Variants in CNIH3 observed in about 807,000 individuals in gnomAD.
CNIH3 encodes protein cornichon homolog 3.
In CNIH3, 14 loss-of-function variants were observed where a neutral mutation model predicts 24.1. The ratio of observed to expected loss-of-function variants is 0.58; its 90% CI spans 0.38 to 0.91. The LOEUF is 0.91. Ranked by LOEUF, CNIH3 falls within the 40% of genes least tolerant of loss-of-function variation. CNIH3 has a pLI of 0.00. For synonymous variants in CNIH3, 68 were observed against 73.8 expected, an observed-to-expected ratio of 0.92 and a Z score of 0.40; for missense variants, 178 against 196.8, an observed-to-expected ratio of 0.90 and a Z score of 0.57.
intron 1 of CNIH3, among the ~76,000 whole-genome samples, chr1:224,643,890 T>C (rs1430810153): frequency 6.6e-6 from 1 of 152,190 alleles, no homozygotes; most frequent in East Asian, 1.9e-4. Flanking sequence ...GGAGTTTCTC[T>C]GGGGACCCCT....
rs138956762 is a variant in CNIH3 at position 224,705,991 on chromosome 1, C to T, written c.198+21148C>T. On this transcript the variant is annotated intron_variant, in intron 3 of 5. Transcript: ENST00000272133. ...CTGGGGGCTCCCCTAGCACCCCAGG[C>T]TGATGACTACTCTAGCACTTACTAG... Among the ~76,000 whole-genome samples, 384 of 151,946 alleles carry T rather than the reference C, an allele frequency of 2.5e-3. 2 individuals are homozygous for T. Among genetic ancestry groups the T allele is most frequent in the African/African-American group, 8.4e-3 (347 of 41,434 alleles).
At chr1:224,511,317 CTCTA>C (rs1316958151), upstream of CNIH3, among the ~76,000 whole-genome samples, 1 of 152,150 alleles carries the variant, frequency 6.6e-6, no homozygotes, top group Non-Finnish European at 1.5e-5. Context: ...TAAAATACTC[CTCTA>C]TCTTTTAGGA....
At chr1:224,629,588 A>T (rs2125076345) in intron 1 of CNIH3, among the ~76,000 whole-genome samples, 1 of 152,258 alleles carries the variant, frequency 6.6e-6, no homozygotes, top group Admixed American at 6.5e-5. Flanking sequence ...ACAGTGGATA[A>T]TGCTGCTGTG....
intron 1 of CNIH3, among the ~76,000 whole-genome samples, chr1:224,671,368 T>G (rs1431334581): frequency 6.6e-6 from 1 of 152,172 alleles, no homozygotes; most frequent in Non-Finnish European, 1.5e-5. Context: ...TTCATTTGAT[T>G]GGGAGCCCTT....
chr1:224,539,335 C>T (rs1157071121), downstream of CNIH3, among the ~76,000 whole-genome samples: 1 of 152,186 alleles, frequency 6.6e-6, no homozygotes, highest in Middle Eastern at 3.2e-3. Flanking sequence ...CAAGTTCTGT[C>T]CTTTCTTCCT....
Position 224,579,681 on chromosome 1 carries a change from G to A in CNIH3, n.517-3483G>A, listed in dbSNP as rs564801603. ...GATTCCTCAGGAAGGGATTGGTGTCGTCCTCATGGTAATGAGTGAGTTCTT... is the reference window on the plus strand; with the variant it reads ...GATTCCTCAGGAAGGGATTGGTGTCATCCTCATGGTAATGAGTGAGTTCTT... On this transcript the variant is annotated intron_variant and non_coding_transcript_variant, in intron 4 of 5. Coordinates refer to the CNIH3 transcript ENST00000471578. Among the ~76,000 whole-genome samples the A allele has an allele frequency of 2.6e-5, 4 of 152,272 alleles. 1 individual carries two copies. Among genetic ancestry groups the A allele is most frequent in the East Asian group, 1.9e-4 (1 of 5,182 alleles).
chr1:224,714,947 G>A (rs528132494), intron 3 of CNIH3, among the ~76,000 whole-genome samples: 1 of 152,232 alleles, frequency 6.6e-6, no homozygotes, highest in African/African-American at 2.4e-5. Context: ...TTCACCTTAC[G>A]TAGTAAGGAA....
intron 1 of CNIH3, among the ~76,000 whole-genome samples, chr1:224,631,443 T>A (rs1298711672): frequency 1.3e-5 from 2 of 152,218 alleles, no homozygotes; most frequent in Non-Finnish European, 2.9e-5. Flanking sequence ...TGTTGGTGAG[T>A]CCCTGGCATT....
intron 1 of CNIH3, among the ~76,000 whole-genome samples, chr1:224,652,297 C>G (rs1248038726): frequency 6.6e-6 from 1 of 152,002 alleles, no homozygotes; most frequent in African/African-American, 2.4e-5. Flanking sequence ...TGGACTGGGA[C>G]TGGACATAAG....
intron 1 of CNIH3, among the ~76,000 whole-genome samples, chr1:224,651,008 A>G (rs1684832374): frequency 6.6e-6 from 1 of 152,178 alleles, no homozygotes; most frequent in African/African-American, 2.4e-5. Flanking sequence ...GGGGAGGCTC[A>G]GTTTTCCAGT....
chr1:224,738,728 T>G (rs1286119862), intron 5 of CNIH3, among the ~76,000 whole-genome samples: 1 of 152,140 alleles, frequency 6.6e-6, no homozygotes, highest in East Asian at 1.9e-4. Flanking sequence ...CTTAGTAGTA[T>G]TGGGGCAATA....
chr1:224,612,462 G>GT (rs1682745201), upstream of CNIH3, among the ~76,000 whole-genome samples: 1 of 152,166 alleles, frequency 6.6e-6, no homozygotes, highest in Non-Finnish European at 1.5e-5. This position sits in a 1 kb window ranked among gnomAD's most constrained non-coding sequence, Gnocchi z 4.7. Context: ...ACCATCAAGG[G>GT]TTGGGACTTG....
intron 3 of CNIH3, among the ~76,000 whole-genome samples, chr1:224,603,467 C>T (rs1268392867): frequency 5.3e-5 from 8 of 152,042 alleles, no homozygotes; most frequent in African/African-American, 1.9e-4. Flanking sequence ...TGCTTTTAGG[C>T]AAATAGAGGG....
chr1:224,436,076 TC>T (rs1243212518), intron 1 of CNIH3, among the ~76,000 whole-genome samples: 1 of 152,234 alleles, frequency 6.6e-6, no homozygotes. Context: ...TTATGGATCC[TC>T]AGACAGGAAG....
intron 3 of CNIH3, among the ~76,000 whole-genome samples, chr1:224,720,006 G>A (rs1160062556): frequency 3.3e-5 from 5 of 152,116 alleles, no homozygotes; most frequent in African/African-American, 1.2e-4. Context: ...GTGTCCATTC[G>A]TCTTGTTCTT....
intron 1 of CNIH3, among the ~76,000 whole-genome samples, chr1:224,507,699 G>C (rs1025113748): frequency 2.5e-4 from 38 of 152,302 alleles, no homozygotes; most frequent in African/African-American, 8.9e-4. Flanking sequence ...GTCTTGTCCT[G>C]TAGTTGGATT....
At chr1:224,600,556 T>A (rs1446734818) in intron 3 of CNIH3, among the ~76,000 whole-genome samples, 1 of 152,162 alleles carries the variant, frequency 6.6e-6, no homozygotes, top group Non-Finnish European at 1.5e-5. Context: ...TGCAGTGCAG[T>A]GGCTATTCAC....
intron 1 of CNIH3, among the ~76,000 whole-genome samples, chr1:224,640,465 G>C (rs1684303205): frequency 6.6e-6 from 1 of 152,244 alleles, no homozygotes; most frequent in Non-Finnish European, 1.5e-5. Flanking sequence ...TGCAGAGGAG[G>C]TTGGTGTCAA....
chr1:224,492,630 T>C (rs6698343), intron 1 of CNIH3, among the ~76,000 whole-genome samples: 30,625 of 152,188 alleles, frequency 0.2, 3,313 homozygotes, highest in Middle Eastern at 0.25. Context: ...TAGTTTAACA[T>C]ATATACAAAG....
Sources: allele counts gnomAD v4.1 joint callset (sites outside exome capture counted in the v4.1 genomes callset), GRCh38; gene constraint gnomAD v4.1.1; non-coding constraint Gnocchi (gnomAD v3.1); transcripts MANE v1.5; gene names NCBI Gene and HGNC (gene_info 2026-07-23, HGNC 2026-07-21).